KCNMA1: variants seen among roughly 807,000 people sequenced by gnomAD.
KCNMA1 encodes potassium calcium-activated channel subfamily M alpha 1.
Under a neutral mutation model 140.0 loss-of-function variants are expected in KCNMA1, and 29 were observed. The ratio of observed to expected loss-of-function variants is 0.21; its 90% CI spans 0.15 to 0.28. The LOEUF is 0.28. KCNMA1 is among the 10% of genes least tolerant of loss of function. KCNMA1 has a pLI of 1.00. For missense variants in KCNMA1, 880 were observed against 1,602.2 expected, an observed-to-expected ratio of 0.55 and a Z score of 7.70; for synonymous variants, 612 against 611.9, an observed-to-expected ratio of 1.00 and a Z score of 0.00.
At chr10:77,109,223 T>C (rs2097262603) in intron 8 of KCNMA1, among the ~76,000 whole-genome samples, 1 of 152,082 alleles carries the variant, frequency 6.6e-6, no homozygotes, top group South Asian at 2.1e-4. Flanking sequence ...ACGGATGCTG[T>C]AGAAATGCTT....
At position 77,134,345 on chromosome 10, in the gene KCNMA1, G is replaced by A. The variant is rs115206219; in HGVS notation, c.809-13297C>T. 8.0e-3 allele frequency among the ~76,000 whole-genome samples: 1,219 copies of A among 151,914 alleles called. 15 individuals are homozygous for A. Among genetic ancestry groups the A allele is most frequent in the African/African-American group, 0.028 (1,162 of 41,470 alleles). On this transcript the variant is annotated intron_variant, in intron 5 of 27. Coordinates refer to ENST00000286628, the MANE Select transcript of KCNMA1 (RefSeq NM_001161352.2). ...TCTTTGTAATGTCAAAAGCATGTAT[G>A]TAAAATACTTTATCATTAGTTGATA... is the stretch of plus-strand genomic sequence containing the variant.
intron 1 of KCNMA1, among the ~76,000 whole-genome samples, chr10:77,491,123 T>C (rs1339887184): frequency 6.6e-6 from 1 of 152,234 alleles, no homozygotes; most frequent in Admixed American, 6.5e-5. Flanking sequence ...TCAGGTTTTG[T>C]TTGTCCTGAA....
intron 14 of KCNMA1, among the ~76,000 whole-genome samples, chr10:77,048,997 C>G (rs1214040457): frequency 1.3e-5 from 2 of 152,114 alleles, no homozygotes; most frequent in African/African-American, 4.8e-5. Flanking sequence ...ATCTCCTGAC[C>G]TGGAGATCCA....
At chr10:77,297,048 C>T (rs2154323947) in intron 2 of KCNMA1, among the ~76,000 whole-genome samples, 1 of 152,250 alleles carries the variant, frequency 6.6e-6, no homozygotes, top group South Asian at 2.1e-4. Context: ...AGGGTGCAGA[C>T]TTGCCTCATT....
intron 15 of KCNMA1, among the ~76,000 whole-genome samples, chr10:77,029,675 G>A (rs956748887): frequency 4.6e-5 from 7 of 152,204 alleles, no homozygotes; most frequent in African/African-American, 1.7e-4. Flanking sequence ...ATCTGTGATG[G>A]TTCAGGAGGA....
At chr10:77,194,293 C>T (rs2039685541) in intron 3 of KCNMA1, among the ~76,000 whole-genome samples, 1 of 152,294 alleles carries the variant, frequency 6.6e-6, no homozygotes, top group African/African-American at 2.4e-5. Flanking sequence ...AACAGACTGT[C>T]AAATCACTGT....
chr10:77,473,771 T>G (rs1189845149), intron 1 of KCNMA1, among the ~76,000 whole-genome samples: 1 of 152,212 alleles, frequency 6.6e-6, no homozygotes, highest in East Asian at 1.9e-4. Context: ...GTCACCTGCC[T>G]GCAGGGCTCT....
At chr10:77,588,253 G>A (rs1308328435) in intron 1 of KCNMA1, among the ~76,000 whole-genome samples, 3 of 152,364 alleles carry the variant, frequency 2.0e-5, no homozygotes, top group African/African-American at 7.2e-5. Context: ...ACAGGAGGCT[G>A]AGAGCAGAAA....
chr10:77,523,547 G>C (rs1298276687), intron 1 of KCNMA1, among the ~76,000 whole-genome samples: 1 of 152,228 alleles, frequency 6.6e-6, no homozygotes, highest in Non-Finnish European at 1.5e-5. Context: ...CTGGAGAAGA[G>C]AAATGCTACT....
At chr10:77,098,009 C>G (rs1211272339) in intron 9 of KCNMA1, among the ~76,000 whole-genome samples, 1 of 152,204 alleles carries the variant, frequency 6.6e-6, no homozygotes, top group Non-Finnish European at 1.5e-5. Flanking sequence ...CGGGATGTCC[C>G]ACCTGGGCCA....
At chr10:77,432,892 T>C (rs1308191646) in intron 1 of KCNMA1, among the ~76,000 whole-genome samples, 3 of 151,784 alleles carry the variant, frequency 2.0e-5, no homozygotes, top group African/African-American at 4.8e-5. Flanking sequence ...GGGTCATGAA[T>C]GGTGAGGGGG....
intron 1 of KCNMA1, among the ~76,000 whole-genome samples, chr10:77,624,766 C>T (rs963872414): frequency 6.6e-6 from 1 of 151,924 alleles, no homozygotes. Flanking sequence ...AATCAAAAAT[C>T]CGGCGCTCCC....
chr10:77,296,440 T>C (rs575581258), intron 2 of KCNMA1, among the ~76,000 whole-genome samples: 1 of 152,330 alleles, frequency 6.6e-6, no homozygotes, highest in East Asian at 1.9e-4. Context: ...ATTTATATTG[T>C]TGCAGCCACT....
At chr10:77,608,412 G>A (rs986035135) in intron 1 of KCNMA1, among the ~76,000 whole-genome samples, 4 of 152,054 alleles carry the variant, frequency 2.6e-5, no homozygotes, top group South Asian at 2.1e-4. Context: ...GGGCTCAAGC[G>A]ATCCACCCGC....
chr10:77,458,327 G>A (rs1164798849), intron 1 of KCNMA1, among the ~76,000 whole-genome samples: 2 of 152,190 alleles, frequency 1.3e-5, no homozygotes, highest in Non-Finnish European at 2.9e-5. Context: ...TAAAGATAGG[G>A]CAGGCACCAA....
chr10:77,518,161 A>G (rs953596123), intron 1 of KCNMA1, among the ~76,000 whole-genome samples: 5 of 152,200 alleles, frequency 3.3e-5, no homozygotes, highest in African/African-American at 7.2e-5. Context: ...TCCCTGGCCA[A>G]CTACATAAAA....
At chr10:77,074,800 G>A (rs914031531) in intron 13 of KCNMA1, among the ~76,000 whole-genome samples, 1 of 152,212 alleles carries the variant, frequency 6.6e-6, no homozygotes, top group African/African-American at 2.4e-5. Context: ...CTAGGAGGTT[G>A]AATCAGAGAG....
At chr10:76,977,683 C>T in intron 19 of KCNMA1, 1 of 702,514 alleles carries the variant, frequency 1.4e-6, no homozygotes, top group Admixed American at 2.0e-5. Context: ...GTGGAGCCCA[C>T]CTGAAGTGCA....
chr10:77,543,460 C>T (rs1015863465), intron 1 of KCNMA1, among the ~76,000 whole-genome samples: 1 of 152,060 alleles, frequency 6.6e-6, no homozygotes, highest in East Asian at 1.9e-4. Context: ...TGTGAACACA[C>T]ACTACAGGAG....
Sources: gnomAD v4.1 joint callset for allele counts (sites outside exome capture counted in the v4.1 genomes callset) on GRCh38, gnomAD v4.1.1 for gene constraint, MANE v1.5 for transcripts, NCBI Gene and HGNC (gene_info 2026-07-23, HGNC 2026-07-21) for gene names.